The following RHNO1 variants were observed in gnomAD, a reference collection of about 807,000 sequenced individuals.
The protein encoded by RHNO1 is RAD9-HUS1-RAD1 interacting nuclear orphan 1.
In RHNO1, 9 loss-of-function variants were observed where a neutral mutation model predicts 7.2. That is an observed-to-expected ratio of 1.25 (90% CI 0.75 to 2.18). The LOEUF is 2.18. Among genes scored for constraint, RHNO1 ranks in the 30% most tolerant of loss-of-function variants. The pLI is 0.00. For synonymous variants in RHNO1, 95 were observed against 107.5 expected (o/e 0.88, Z 0.72); for missense variants, 292 against 284.5 (o/e 1.03, Z -0.19).
intron 1 of RHNO1, 145 bp from the exon 2 acceptor site, chr12:2,885,138 T>C: frequency 2.1e-6 from 1 of 483,696 alleles, no homozygotes; most frequent in Non-Finnish European, 3.7e-6. Flanking sequence ...AATATGAATA[T>C]TGTGTTTTGC....
At chr12:2,886,399 C>G (rs1483363061) in intron 2 of RHNO1, 1 of 152,410 alleles carries the variant, frequency 6.6e-6, no homozygotes, top group Non-Finnish European at 1.5e-5. Context: ...GTTTGTAATC[C>G]TAGAACTTTG....
chr12:2,879,966 T>G (rs1010456462), intron 1 of RHNO1, among the ~76,000 whole-genome samples: 4 of 152,102 alleles, frequency 2.6e-5, no homozygotes, highest in African/African-American at 7.3e-5. Flanking sequence ...TCTTCTGTAT[T>G]CTTTGTCAAG....
chr12:2,877,999 G>C (rs981332809), intron 1 of RHNO1: 1 of 152,222 alleles, frequency 6.6e-6, no homozygotes, highest in Non-Finnish European at 1.5e-5. Flanking sequence ...TGGCAACATA[G>C]CGAAACCGCT....
chr12:2,884,383 C>G (rs533807888), intron 1 of RHNO1, among the ~76,000 whole-genome samples: 2 of 152,218 alleles, frequency 1.3e-5, no homozygotes, highest in African/African-American at 4.8e-5. Context: ...TGTGCCACCA[C>G]GCCCAGCTAG....
At chr12:2,883,594 C>T (rs1436051833) in intron 1 of RHNO1, among the ~76,000 whole-genome samples, 1 of 144,826 alleles carries the variant, frequency 6.9e-6, no homozygotes, top group Non-Finnish European at 1.5e-5. Context: ...CTCTGCTCAC[C>T]GCAACCTCCG....
rs765570307 is a variant in RHNO1 at position 2,885,389 on chromosome 12, G to A, written c.23G>A (p.Arg8His). 1.6e-5 allele frequency: 26 copies of A among 1,612,832 alleles called. No homozygotes were observed. Among genetic ancestry groups the A allele is most frequent in the Admixed American group, 6.7e-5 (4 of 59,702 alleles). The change falls in exon 2 of 3, where the codon CGC becomes CAC. Residue 8 changes from arginine to histidine, a missense_variant. Arg to His is a conservative substitution (Grantham distance 29). Transcript: ENST00000489288. The stretch of plus-strand genomic sequence containing the variant: ...TTGATGCCTCCCAGAAAAAAACGCC[G>A]CCAGCCTTCCCAGAAAGCCCCGCTG... Reference protein sequence around the residue: MPPRKKRRQPSQKAPLLF... With the variant: MPPRKKRHQPSQKAPLLF...
intron 1 of RHNO1, among the ~76,000 whole-genome samples, chr12:2,882,681 C>T (rs1055891065): frequency 6.7e-6 from 1 of 150,058 alleles, no homozygotes; most frequent in African/African-American, 2.5e-5. Context: ...CCAGCCTGGA[C>T]GAAAGAGTGA....
intron 1 of RHNO1, chr12:2,878,212 AT>A (rs1353822121): frequency 6.6e-6 from 1 of 152,270 alleles, no homozygotes; most frequent in Non-Finnish European, 1.5e-5. Context: ...AAATTGAAAC[AT>A]TAGAGGTTAA....
At chr12:2,878,988 AT>A (rs2153944074) in intron 1 of RHNO1, among the ~76,000 whole-genome samples, 1 of 150,946 alleles carries the variant, frequency 6.6e-6, no homozygotes, top group Non-Finnish European at 1.5e-5. Flanking sequence ...TTAATTATAT[AT>A]TTATTTTTAT....
intron 1 of RHNO1, among the ~76,000 whole-genome samples, chr12:2,879,216 T>A (rs1269311396): frequency 6.6e-6 from 1 of 151,948 alleles, no homozygotes; most frequent in African/African-American, 2.4e-5. Context: ...GTTGCCCAGA[T>A]TGATCTTGAA....
intron 2 of RHNO1, chr12:2,887,168 C>T (rs946734066): frequency 1.7e-5 from 5 of 287,896 alleles, no homozygotes; most frequent in Non-Finnish European, 3.6e-5. Context: ...CACGGTGAAA[C>T]TCTGACTCTA....
intron 1 of RHNO1, among the ~76,000 whole-genome samples, chr12:2,883,499 ATATATATATATATTTTT>A (rs1298571883): frequency 3.5e-3 from 107 of 30,926 alleles, no homozygotes; most frequent in African/African-American, 0.011. Flanking sequence ...ATATATATAT[ATATATATATATATTTTT>A]TTTTTTTTTT....
At chr12:2,883,495 ATATATATATATATATATTTT>A (rs1358717432) in intron 1 of RHNO1, among the ~76,000 whole-genome samples, 2 of 21,312 alleles carry the variant, frequency 9.4e-5, no homozygotes, top group African/African-American at 5.9e-4. Context: ...ATATATATAT[ATATATATATATATATATTTT>A]TTTTTTTTTT....
Position 2,885,486 on chromosome 12 carries a change from T to A in RHNO1, c.120T>A (p.Thr40=), listed in dbSNP as rs2098164280. The change falls in exon 2 of 3, where the codon ACT becomes ACA. Residue 40 remains threonine (T), a synonymous_variant. Coordinates refer to ENST00000489288, the MANE Select transcript of RHNO1 (RefSeq NM_001252499.3). Reference sequence around the variant, plus strand: ...CTACACAGCTTCCCATCACTCACACTCGACAGGTGCCCAGCAAGCCCATTG... The same window carrying A: ...CTACACAGCTTCCCATCACTCACACACGACAGGTGCCCAGCAAGCCCATTG... ...CASTQLPITH[T]RQVPSKPIDH... 5.0e-6 allele frequency: 8 copies of A among 1,602,008 alleles called. No individual in the cohort carries two copies. In the South Asian group the frequency reaches 7.7e-5, roughly 15 times the overall value.
At position 2,889,062 on chromosome 12, in the gene RHNO1, C is replaced by T. The variant is rs1565492160; in HGVS notation, c.*603C>T. On this transcript the variant is annotated 3_prime_UTR_variant, in exon 3 of 3. Coordinates refer to ENST00000489288, the MANE Select transcript of RHNO1 (RefSeq NM_001252499.3). ...ACTACTCATTAATCCTTAATCACCT[C>T]ATTCAAACTAATTCATTCTGCATTT... 6.6e-6 allele frequency: 1 copy of T among 152,192 alleles called. No homozygotes were observed. Among genetic ancestry groups the T allele is most frequent in the Non-Finnish European group, 1.5e-5 (1 of 68,042 alleles). 9.4% of individuals were successfully genotyped at this position (152,192 alleles called of 1,614,324 possible).
intron 1 of RHNO1, among the ~76,000 whole-genome samples, chr12:2,883,145 G>T (rs574644239): frequency 1.3e-5 from 2 of 151,038 alleles, no homozygotes; most frequent in South Asian, 4.2e-4. Context: ...TTGGGAGGCT[G>T]AGGTGCGCAG....
intron 1 of RHNO1, among the ~76,000 whole-genome samples, chr12:2,883,714 C>G (rs1316215548): frequency 6.6e-6 from 1 of 150,974 alleles, no homozygotes; most frequent in South Asian, 2.1e-4. Context: ...CAGGGTTTCT[C>G]CACGTTGGTC....
chr12:2,883,497 ATATATATATATATATTTTTTTT>A (rs1252296925), intron 1 of RHNO1, among the ~76,000 whole-genome samples: 1 of 23,890 alleles, frequency 4.2e-5, no homozygotes, highest in African/African-American at 1.7e-4. Flanking sequence ...ATATATATAT[ATATATATATATATATTTTTTTT>A]TTTTTTTTTT....
chr12:2,881,936 T>G (rs1424475206), intron 1 of RHNO1, among the ~76,000 whole-genome samples: 2 of 150,810 alleles, frequency 1.3e-5, no homozygotes, highest in Non-Finnish European at 3.0e-5. Flanking sequence ...AAAGAGAAAC[T>G]GTGTCCTTTT....
Sources: allele counts gnomAD v4.1 joint callset (sites outside exome capture counted in the v4.1 genomes callset), GRCh38; gene constraint gnomAD v4.1.1; transcripts MANE v1.5; gene names NCBI Gene and HGNC (gene_info 2026-07-23, HGNC 2026-07-21).